Variants in NRCAM observed in about 807,000 individuals in gnomAD.
The protein encoded by NRCAM is neuronal cell adhesion molecule.
In NRCAM, 83 loss-of-function variants were observed where a neutral mutation model predicts 156.5. The observed-to-expected ratio is 0.53, with a 90% CI of 0.44 to 0.64. NRCAM has a LOEUF of 0.64. Among genes scored for constraint, NRCAM ranks in the 30% least tolerant of loss-of-function variants. The probability of loss-of-function intolerance (pLI) is 0.00; values close to 1 mark genes in which losing one functional copy is unlikely to be tolerated. For missense variants in NRCAM, 1,417 were observed against 1,597.3 expected (o/e 0.89, Z 1.92); for synonymous variants, 538 against 563.9 (o/e 0.95, Z 0.65).
At chr7:108,426,188 C>T (rs142127203) in intron 1 of NRCAM, among the ~76,000 whole-genome samples, 2 of 152,292 alleles carry the variant, frequency 1.3e-5, no homozygotes, top group African/African-American at 4.8e-5. Context: ...GGTTATGTGT[C>T]TAATTTTATG....
At chr7:108,442,774 C>T (rs1221958040) in intron 1 of NRCAM, among the ~76,000 whole-genome samples, 1 of 152,190 alleles carries the variant, frequency 6.6e-6, no homozygotes, top group Non-Finnish European at 1.5e-5. Flanking sequence ...ATCTAAAGAG[C>T]TCATACTGAA....
intron 3 of NRCAM, among the ~76,000 whole-genome samples, chr7:108,266,508 C>T (rs1457577383): frequency 2.0e-5 from 3 of 152,088 alleles, no homozygotes; most frequent in African/African-American, 7.2e-5. Context: ...ACACTGCACA[C>T]GCATGTGTGT....
At chr7:108,172,684 A>G (rs1398737769) in intron 28 of NRCAM, among the ~76,000 whole-genome samples, 3 of 152,228 alleles carry the variant, frequency 2.0e-5, no homozygotes, top group African/African-American at 7.2e-5. Context: ...AACAAAGAAA[A>G]GGACAAAAAT....
At chr7:108,182,963 A>G in intron 22 of NRCAM, 43 bp from the exon 23 acceptor site, 8 of 1,494,006 alleles carry the variant, frequency 5.4e-6, no homozygotes, top group Non-Finnish European at 7.4e-6. Flanking sequence ...ACACAAATCA[A>G]CTGCACAATC....
chr7:108,250,882 C>G (rs1044504132), intron 3 of NRCAM, among the ~76,000 whole-genome samples: 2 of 151,942 alleles, frequency 1.3e-5, no homozygotes, highest in African/African-American at 4.8e-5. Context: ...AATATATACA[C>G]CTACTATGAA....
chr7:108,388,371 C>T (rs1018777529), intron 2 of NRCAM, among the ~76,000 whole-genome samples: 4 of 152,148 alleles, frequency 2.6e-5, no homozygotes, highest in African/African-American at 7.2e-5. Context: ...TGAGAAATGT[C>T]TGTTCGTATC....
At chr7:108,270,706 T>C (rs900442530) in intron 3 of NRCAM, among the ~76,000 whole-genome samples, 44 of 152,362 alleles carry the variant, frequency 2.9e-4, no homozygotes, top group Admixed American at 7.8e-4. Flanking sequence ...TGGGAAATTA[T>C]TCAGCCTTAA....
rs1488142401 is a variant in NRCAM at position 108,242,254 on chromosome 7, G to A, written c.-106-2084C>T. Among the ~76,000 whole-genome samples, 12 of 57,488 alleles carry A rather than the reference G, an allele frequency of 2.1e-4. No individual in the cohort carries two copies. In the South Asian group the frequency reaches 2.1e-3, roughly 10 times the overall value. The allele number at this position is 57,488 out of a possible 152,430, so 37.7% of individuals were successfully genotyped here. A position where few individuals can be genotyped will look rare whatever the true frequency, so the allele number is the denominator to read the frequency against. On this transcript the variant is annotated intron_variant, in intron 3 of 32. Transcript: ENST00000379028. ...AGCCTGGGTGACAGAGCAAGACCCC[G>A]TCTCAAAAAAAAAAAAAAAAAAAAG... is the stretch of plus-strand genomic sequence containing the variant.
At chr7:108,443,518 T>G (rs994476707) in intron 1 of NRCAM, among the ~76,000 whole-genome samples, 1 of 152,244 alleles carries the variant, frequency 6.6e-6, no homozygotes. Context: ...GTCTAAGAGA[T>G]AGCTCATTCA....
chr7:108,152,705 T>C (rs1333245084), intron 32 of NRCAM, among the ~76,000 whole-genome samples: 3 of 152,122 alleles, frequency 2.0e-5, no homozygotes, highest in Admixed American at 6.6e-5. Flanking sequence ...AGCACTACAA[T>C]AGCAGAATTG....
At chr7:108,290,925 T>C (rs2098269728) in intron 3 of NRCAM, among the ~76,000 whole-genome samples, 1 of 152,190 alleles carries the variant, frequency 6.6e-6, no homozygotes, top group Non-Finnish European at 1.5e-5. Flanking sequence ...CTATTGCAAA[T>C]AGGGTTTCTG....
chr7:108,454,672 C>T (rs147350136), intron 1 of NRCAM, among the ~76,000 whole-genome samples: 264 of 152,270 alleles, frequency 1.7e-3, no homozygotes, highest in African/African-American at 6.0e-3. Context: ...CATAAAGCAG[C>T]CCAGCCTCCG....
At chr7:108,271,426 G>A (rs1363073414) in intron 3 of NRCAM, among the ~76,000 whole-genome samples, 2 of 152,062 alleles carry the variant, frequency 1.3e-5, no homozygotes, top group Admixed American at 6.6e-5. Flanking sequence ...GACCAGGCAC[G>A]GTGGCTCACA....
chr7:108,320,467 C>A (rs927199429), intron 2 of NRCAM, among the ~76,000 whole-genome samples: 1 of 148,394 alleles, frequency 6.7e-6, no homozygotes, highest in African/African-American at 2.5e-5. Context: ...ACAAAACGGT[C>A]TCTTAAGGTA....
chr7:108,284,701 G>A (rs371665557), intron 3 of NRCAM, among the ~76,000 whole-genome samples: 1 of 152,084 alleles, frequency 6.6e-6, no homozygotes, highest in African/African-American at 2.4e-5. Flanking sequence ...AAGCTTATAC[G>A]GAACCGCAAC....
At chr7:108,281,799 C>T (rs939094864) in intron 3 of NRCAM, among the ~76,000 whole-genome samples, 1 of 152,210 alleles carries the variant, frequency 6.6e-6, no homozygotes, top group African/African-American at 2.4e-5. Context: ...GCTGCGAACA[C>T]AGTTGGAAGT....
At chr7:108,269,479 G>T (rs1591011944) in intron 3 of NRCAM, among the ~76,000 whole-genome samples, 1 of 152,210 alleles carries the variant, frequency 6.6e-6, no homozygotes, top group African/African-American at 2.4e-5. Flanking sequence ...TCTGTCTTGG[G>T]TCACCTTTCA....
chr7:108,174,609 T>C (rs1290448868), intron 28 of NRCAM, among the ~76,000 whole-genome samples: 2 of 152,226 alleles, frequency 1.3e-5, no homozygotes, highest in Non-Finnish European at 2.9e-5. Context: ...TCAAGCACCA[T>C]TCTCCCAACA....
intron 1 of NRCAM, among the ~76,000 whole-genome samples, chr7:108,440,777 G>T (rs923906527): frequency 1.3e-5 from 2 of 152,220 alleles, no homozygotes; most frequent in Non-Finnish European, 2.9e-5. Context: ...GAAGCGGTGA[G>T]TTCTGGAGTT....
Sources: gnomAD v4.1 joint callset for allele counts (sites outside exome capture counted in the v4.1 genomes callset) on GRCh38, gnomAD v4.1.1 for gene constraint, MANE v1.5 for transcripts, NCBI Gene and HGNC (gene_info 2026-07-23, HGNC 2026-07-21) for gene names.